CHFR: variants seen among roughly 807,000 people sequenced by gnomAD.
The protein encoded by CHFR is checkpoint with forkhead and ring finger domains.
CHFR carries 57 observed loss-of-function variants against 87.6 expected under a neutral mutation model. The ratio of observed to expected loss-of-function variants is 0.65; its 90% CI spans 0.53 to 0.81. The LOEUF is 0.81. Among genes scored for constraint, CHFR ranks in the 30% least tolerant of loss-of-function variants. The probability of loss-of-function intolerance (pLI) is 0.00; values close to 1 mark genes in which losing one functional copy is unlikely to be tolerated. For synonymous variants in CHFR, 381 were observed against 359.2 expected, an observed-to-expected ratio of 1.06 and a Z score of -0.69; for missense variants, 797 against 865.8, an observed-to-expected ratio of 0.92 and a Z score of 1.00.
intron 11 of CHFR, among the ~76,000 whole-genome samples, 194 bp from the exon 12 acceptor site, chr12:132,851,931 C>A (rs1438009911): frequency 6.6e-6 from 1 of 152,064 alleles, no homozygotes; most frequent in Non-Finnish European, 1.5e-5. Flanking sequence ...TAACAATAAC[C>A]AAAAATGATC....
chr12:132,851,369 G>A (rs1196711697), intron 12 of CHFR, among the ~76,000 whole-genome samples: 1 of 152,188 alleles, frequency 6.6e-6, no homozygotes, highest in African/African-American at 2.4e-5. Context: ...AGTGCTGGCA[G>A]GGGATAGACA....
intron 6 of CHFR, among the ~76,000 whole-genome samples, chr12:132,863,303 T>G (rs1593487049): frequency 6.8e-6 from 1 of 147,984 alleles, no homozygotes; most frequent in African/African-American, 2.5e-5. Context: ...AGGTCAGGAG[T>G]TCGAGACCAG....
intron 2 of CHFR, among the ~76,000 whole-genome samples, chr12:132,877,921 G>A (rs370622205): frequency 1.4e-4 from 22 of 152,072 alleles, no homozygotes; most frequent in African/African-American, 5.3e-4. Context: ...TCCTGCCTCA[G>A]CCTCCAGAGT....
rs538537557 is a variant in CHFR at position 132,838,734 on chromosome 12, G to A, written c.*2820C>T. ...CAGGGCTCCAAAACCACCACAGCCG[G>A]TCAGTTTTGCTGGGTGGGATGGCTG... On this transcript the variant is annotated 3_prime_UTR_variant, in exon 18 of 18. Coordinates refer to ENST00000450056, the MANE Select transcript of CHFR (RefSeq NM_001161346.2). 2 of 152,384 alleles carry A rather than the reference G, an allele frequency of 1.3e-5. No individual in the cohort carries two copies. Among genetic ancestry groups the A allele is most frequent in the East Asian group, 3.9e-4 (2 of 5,182 alleles). 9.4% of individuals were successfully genotyped at this position (152,384 alleles called of 1,614,324 possible).
Position 132,857,575 on chromosome 12 carries a change from G to T in CHFR, c.912-16C>A. 1 of 1,612,424 alleles carries T rather than the reference G, an allele frequency of 6.2e-7. No individual in the cohort carries two copies. On this transcript the variant is annotated splice_polypyrimidine_tract_variant and intron_variant, in intron 8 of 17. Coordinates refer to ENST00000450056, the MANE Select transcript of CHFR (RefSeq NM_001161346.2). ...GGGCTGCAAACTGAAAGTGCAAGAG[G>T]AACAGTGTCCAGACAGTCCCACAGA... is the stretch of plus-strand genomic sequence containing the variant.
rs71079148 is a variant in CHFR, at chr12:132,879,009, GTT to G, written c.134-1357_134-1356del. Among the ~76,000 whole-genome samples, 14 of 121,836 alleles carry G rather than the reference GTT, an allele frequency of 1.1e-4. 1 individual carries two copies. The highest frequency in any genetic ancestry group is 1.7e-4 in the Admixed American group (2 of 12,008). The allele number at this position is 121,836 out of a possible 152,430, so 79.9% of individuals were successfully genotyped here. A position where few individuals can be genotyped will look rare whatever the true frequency, so the allele number is the denominator to read the frequency against. On this transcript the variant is annotated intron_variant, in intron 2 of 17. Coordinates refer to ENST00000450056, the MANE Select transcript of CHFR (RefSeq NM_001161346.2). ...TTTGTTTTTTTTTTTGTTTTTGTTT[GTT>G]TTTTTTTTTTTGAGATGGAGTCTCG...
At chr12:132,847,413 A>G (rs1252159129) in intron 14 of CHFR, 1 of 1,186,674 alleles carries the variant, frequency 8.4e-7, no homozygotes, top group African/African-American at 1.6e-5. Flanking sequence ...ATGAGACATG[A>G]AAGCCAGGCC....
rs1950627589 is a variant in CHFR at position 132,833,216 on chromosome 12, G to C, written c.*8338C>G. 6.6e-6 allele frequency: 1 copy of C among 152,166 alleles called. No individual in the cohort carries two copies. The highest frequency in any genetic ancestry group is 1.5e-5 in the Non-Finnish European group (1 of 68,044). 9.4% of individuals were successfully genotyped at this position (152,166 alleles called of 1,614,324 possible). A position where few individuals can be genotyped will look rare whatever the true frequency, so the allele number is the denominator to read the frequency against. ...TTGGTCCAGTTTCATGTTTGTGTGTGGATACCTTCAGAGGGCGGTAACTGA... is the reference window on the plus strand; with the variant it reads ...TTGGTCCAGTTTCATGTTTGTGTGTCGATACCTTCAGAGGGCGGTAACTGA... On this transcript the variant is annotated 3_prime_UTR_variant, in exon 18 of 18. Coordinates refer to ENST00000450056, the MANE Select transcript of CHFR (RefSeq NM_001161346.2).
Position 132,856,548 on chromosome 12 carries a change from C to T in CHFR, c.1149G>A (p.Arg383=), listed in dbSNP as rs879252133. ...TCCCTTCTTCATCAGAAAAAGACCG[C>T]CTGACTTTGGGCTGCAGCATGTCTT... ...ITQDMLQPKV[R]RSFSDEEGSS... The change falls in exon 10 of 18, where the codon AGG becomes AGA. Residue 383 remains arginine (R), a synonymous_variant. Coordinates refer to ENST00000450056, the MANE Select transcript of CHFR (RefSeq NM_001161346.2). The T allele has an allele frequency of 6.2e-7, 1 of 1,614,106 alleles. No homozygotes were observed.
At chr12:132,887,449 C>A in intron 1 of CHFR, 98 bp downstream of exon 1, 2 of 842,446 alleles carry the variant, frequency 2.4e-6, no homozygotes, top group South Asian at 5.3e-5. Context: ...CCACGCAGCC[C>A]CGCAGCCCGG....
rs1448297550 is a variant in CHFR at position 132,839,526 on chromosome 12, T to C, written c.*2028A>G. 12 of 145,034 alleles carry C rather than the reference T, an allele frequency of 8.3e-5. No homozygotes were observed. Among genetic ancestry groups the C allele is most frequent in the Admixed American group, 1.5e-4 (2 of 13,018 alleles). The allele number at this position is 145,034 out of a possible 1,614,324, so 9.0% of individuals were successfully genotyped here. On this transcript the variant is annotated 3_prime_UTR_variant, in exon 18 of 18. Coordinates refer to ENST00000450056, the MANE Select transcript of CHFR (RefSeq NM_001161346.2). ...CTGCACAAACTCAGGACCTCCCCTC[T>C]CGGCCTCACCCCCGCACTAACTCAG...
rs1372280960 is a variant in CHFR, at chr12:132,877,595, C to T, written c.193G>A (p.Val65Met). The T allele has an allele frequency of 6.2e-7, 1 of 1,613,414 alleles. No homozygotes were observed. The highest frequency in any genetic ancestry group is 1.3e-5 in the African/African-American group (1 of 74,876). Residue 65 changes from valine to methionine, a missense_variant, in exon 3 of 18, where the codon GTG becomes ATG. Coordinates refer to ENST00000450056, the MANE Select transcript of CHFR (RefSeq NM_001161346.2). ...GTCACCTGACCTGATTTTTCATCCA[C>T]TACAATTCTACAGTGATCTCCAGAG... ...LVSGDHCRIV[V>M]DEKSGQVTLE... is the part of the protein sequence containing the mutation.
At chr12:132,878,902 G>A (rs189888906) in intron 2 of CHFR, among the ~76,000 whole-genome samples, 2 of 149,888 alleles carry the variant, frequency 1.3e-5, no homozygotes, top group East Asian at 3.9e-4. Context: ...TCTTTTCTGT[G>A]TAAACTTAGG....
At chr12:132,842,108 C>CAAAAA (rs35177584) in intron 17 of CHFR, among the ~76,000 whole-genome samples, 3 of 103,360 alleles carry the variant, frequency 2.9e-5, no homozygotes, top group African/African-American at 1.1e-4. Context: ...GACTCCATCT[C>CAAAAA]AAAAAAAAAA....
rs1951438819 is a variant in CHFR, at chr12:132,869,646, C to A, written c.556G>T (p.Ala186Ser). The A allele has an allele frequency of 6.4e-7, 1 of 1,551,542 alleles. No individual in the cohort carries two copies. The highest frequency in any genetic ancestry group is 1.4e-5 in the African/African-American group (1 of 73,024). The change falls in exon 6 of 18, where the codon GCA becomes TCA. Residue 186 changes from alanine to serine, a missense_variant. Physicochemically the swap from Ala to Ser is moderately conservative, Grantham distance 99. Coordinates refer to ENST00000450056, the MANE Select transcript of CHFR (RefSeq NM_001161346.2). The stretch of plus-strand genomic sequence containing the variant: ...CAACTGGAGGAACGCTCTCGCCCTG[C>A]AGGAGAAGGCTCCGTGGAAGAGGCC... ...ASASSTEPSP[A>S]GRERSSSCGS...
chr12:132,842,942 T>C, intron 17 of CHFR, 69 bp downstream of exon 17: 1 of 1,302,022 alleles, frequency 7.7e-7, no homozygotes. Flanking sequence ...CATATCAGCC[T>C]ATTTATAAGC....
Position 132,851,840 on chromosome 12 carries a change from G to A in CHFR, c.1373-103C>T, listed in dbSNP as rs368559901. The A allele has an allele frequency of 2.7e-5, 37 of 1,382,870 alleles. No individual in the cohort carries two copies. In the East Asian group the frequency reaches 3.6e-4, roughly 13 times the overall value. The allele number at this position is 1,382,870 out of a possible 1,614,324, so 85.7% of individuals were successfully genotyped here. Reference sequence around the variant, plus strand: ...GCACAGCGAGGAGAGGTGCACCTGAGACAGCCGGGGAAGAAGCAGACCTGC... The same window carrying A: ...GCACAGCGAGGAGAGGTGCACCTGAAACAGCCGGGGAAGAAGCAGACCTGC... On this transcript the variant is annotated intron_variant, in intron 11 of 17. Transcript: ENST00000450056.
intron 4 of CHFR, 42 bp from the exon 5 acceptor site, chr12:132,870,825 TG>T: frequency 7.6e-7 from 1 of 1,321,890 alleles, no homozygotes; most frequent in Non-Finnish European, 1.1e-6. Flanking sequence ...GTGGCCCCTG[TG>T]CAAACTGAGA....
chr12:132,855,179 T>C (rs1304194034), intron 10 of CHFR: 2 of 151,134 alleles, frequency 1.3e-5, no homozygotes, highest in African/African-American at 4.9e-5. Context: ...GAGATGAATG[T>C]TGCAGTGGGC....
Sources: gnomAD v4.1 joint callset for allele counts (sites outside exome capture counted in the v4.1 genomes callset) on GRCh38, gnomAD v4.1.1 for gene constraint, MANE v1.5 for transcripts, NCBI Gene and HGNC (gene_info 2026-07-23, HGNC 2026-07-21) for gene names.